SLC24A2: variants seen among roughly 807,000 people sequenced by gnomAD.
SLC24A2 encodes solute carrier family 24 member 2, also known as sodium/potassium/calcium exchanger 2.
A neutral mutation model predicts 62.0 loss-of-function variants in SLC24A2; 36 were observed. The observed-to-expected ratio is 0.58, with a 90% confidence interval of 0.44 to 0.77. The LOEUF (loss-of-function observed/expected upper bound fraction) is 0.77. Among genes scored for constraint, SLC24A2 ranks in the 30% least tolerant of loss-of-function variants. The pLI is 0.00. For missense variants in SLC24A2, 846 were observed against 817.9 expected (o/e 1.03, Z -0.42); for synonymous variants, 358 against 294.0 (o/e 1.22, Z -2.23).
At chr9:19,788,218 C>G (rs1057514585) in intron 1 of SLC24A2, among the ~76,000 whole-genome samples, 1 of 152,200 alleles carries the variant, frequency 6.6e-6, no homozygotes, top group East Asian at 1.9e-4. Flanking sequence ...TGAGATAACC[C>G]GACCCCATCA....
chr9:20,030,403 C>G, the SLC24A2 span, among the ~76,000 whole-genome samples: 2 of 152,174 alleles, frequency 1.3e-5, no homozygotes, highest in African/African-American at 2.4e-5. Flanking sequence ...GGTAACCGAG[C>G]TCCTCCTGTA....
chr9:20,210,141 G>A, the SLC24A2 span, among the ~76,000 whole-genome samples: 1 of 152,202 alleles, frequency 6.6e-6, no homozygotes, highest in African/African-American at 2.4e-5. Context: ...CAAGCCCACT[G>A]TGGTGGGCTT....
At chr9:20,207,068 C>A in the SLC24A2 span, among the ~76,000 whole-genome samples, 6 of 152,054 alleles carry the variant, frequency 3.9e-5, no homozygotes, top group African/African-American at 1.2e-4. Context: ...ATCTTCAGTA[C>A]CTAGTATTTA....
chr9:20,095,943 C>A, the SLC24A2 span, among the ~76,000 whole-genome samples: 1 of 152,044 alleles, frequency 6.6e-6, no homozygotes, highest in Non-Finnish European at 1.5e-5. Context: ...ATCATGAGAA[C>A]AGTATGGGGG....
the SLC24A2 span, among the ~76,000 whole-genome samples, chr9:20,224,290 G>A: frequency 6.6e-6 from 1 of 151,774 alleles, no homozygotes; most frequent in African/African-American, 2.4e-5. Context: ...AGCTAGATAA[G>A]GATTTCTTAT....
chr9:20,117,439 T>C, the SLC24A2 span, among the ~76,000 whole-genome samples: 7 of 152,254 alleles, frequency 4.6e-5, no homozygotes, highest in African/African-American at 9.6e-5. Flanking sequence ...GTCTTTACTA[T>C]GACAACAAGA....
chr9:19,848,033 A>G, the SLC24A2 span, among the ~76,000 whole-genome samples: 104 of 152,334 alleles, frequency 6.8e-4, no homozygotes, highest in African/African-American at 2.3e-3. Context: ...ACCATCAGCA[A>G]CTACCTTGTT....
At chr9:19,778,385 G>C (rs893059412) in intron 2 of SLC24A2, among the ~76,000 whole-genome samples, 1 of 152,072 alleles carries the variant, frequency 6.6e-6, no homozygotes, top group South Asian at 2.1e-4. Context: ...GCCTGATAGC[G>C]GGAAGGGAGT....
the SLC24A2 span, among the ~76,000 whole-genome samples, chr9:20,059,555 G>T: frequency 6.6e-6 from 1 of 152,060 alleles, no homozygotes; most frequent in Non-Finnish European, 1.5e-5. Context: ...TTTAAACTGG[G>T]CAGAAAATAA....
the SLC24A2 span, among the ~76,000 whole-genome samples, chr9:19,961,928 C>A: frequency 1.3e-5 from 2 of 152,198 alleles, no homozygotes; most frequent in Non-Finnish European, 2.9e-5. Context: ...TACCCTGAAC[C>A]AGAACCACCC....
the SLC24A2 span, among the ~76,000 whole-genome samples, chr9:19,826,749 C>T: frequency 1.5e-3 from 229 of 152,248 alleles, 1 homozygote; most frequent in Non-Finnish European, 1.5e-3. Context: ...TCTAGAAGGT[C>T]CACATCTCAG....
At chr9:20,267,116 G>A in the SLC24A2 span, among the ~76,000 whole-genome samples, 1 of 149,954 alleles carries the variant, frequency 6.7e-6, no homozygotes, top group Non-Finnish European at 1.5e-5. Context: ...TCATAAAACA[G>A]AATACTTTTG....
At chr9:19,571,271 T>C (rs897361181) in intron 7 of SLC24A2, among the ~76,000 whole-genome samples, 6 of 152,268 alleles carry the variant, frequency 3.9e-5, no homozygotes, top group South Asian at 2.1e-4. Context: ...GTAAGGAGCA[T>C]AGAAGGCAGA....
At chr9:19,820,742 A>T in the SLC24A2 span, among the ~76,000 whole-genome samples, 1 of 151,746 alleles carries the variant, frequency 6.6e-6, no homozygotes, top group African/African-American at 2.4e-5. Context: ...GGGTGTGTAC[A>T]GGGGATTACA....
chr9:19,636,314 CTTTTCTTTCTTTCTTT>C lies in SLC24A2; in HGVS notation c.931-14031_931-14016del, dbSNP rs1564009636. Among the ~76,000 whole-genome samples, 59 of 21,228 alleles carry C rather than the reference CTTTTCTTTCTTTCTTT, an allele frequency of 2.8e-3. 3 individuals are homozygous for C. Among genetic ancestry groups the C allele is most frequent in the African/African-American group, 6.2e-3 (31 of 4,980 alleles). 13.9% of individuals were successfully genotyped at this position (21,228 alleles called of 152,430 possible). A position where few individuals can be genotyped will look rare whatever the true frequency, so the allele number is the denominator to read the frequency against. On this transcript the variant is annotated intron_variant, in intron 2 of 10. Coordinates refer to ENST00000341998, the MANE Select transcript of SLC24A2 (RefSeq NM_020344.4). ...CTTTTCTTTTCTTTTCTTTTCTTTT[CTTTTCTTTCTTTCTTT>C]CTTTCTTTCTTTCTTTCTTTCTTTC...
rs1554690366 is a variant in SLC24A2 at position 19,636,318 on chromosome 9, T to TCTTTTCCTTC, written c.931-14020_931-14019insGAAGGAAAAG. 5.9e-4 allele frequency among the ~76,000 whole-genome samples: 19 copies of TCTTTTCCTTC among 32,248 alleles called. 1 individual carries two copies. The highest frequency in any genetic ancestry group is 2.5e-3 in the Admixed American group (8 of 3,260). The allele number at this position is 32,248 out of a possible 152,430, so 21.2% of individuals were successfully genotyped here. A position where few individuals can be genotyped will look rare whatever the true frequency, so the allele number is the denominator to read the frequency against. On this transcript the variant is annotated intron_variant, in intron 2 of 10. Coordinates refer to ENST00000341998, the MANE Select transcript of SLC24A2 (RefSeq NM_020344.4). Reference sequence around the variant, plus strand: ...TCTTTTCTTTTCTTTTCTTTTCTTTTCTTTCTTTCTTTCTTTCTTTCTTTC... The same window carrying TCTTTTCCTTC: ...TCTTTTCTTTTCTTTTCTTTTCTTTTCTTTTCCTTCCTTTCTTTCTTTCTTTCTTTCTTTC...
chr9:19,543,965 G>A (rs1234701622), intron 8 of SLC24A2, among the ~76,000 whole-genome samples: 1 of 152,154 alleles, frequency 6.6e-6, no homozygotes, highest in African/African-American at 2.4e-5. Flanking sequence ...CCAGCGCTGA[G>A]TTCAAGTCCT....
intron 2 of SLC24A2, among the ~76,000 whole-genome samples, chr9:19,707,223 G>C (rs975290441): frequency 6.6e-6 from 1 of 152,154 alleles, no homozygotes; most frequent in Admixed American, 6.5e-5. Context: ...TTGAATCTCT[G>C]AATAGACCAA....
chr9:19,816,854 C>G, the SLC24A2 span, among the ~76,000 whole-genome samples: 3 of 151,898 alleles, frequency 2.0e-5, no homozygotes, highest in Non-Finnish European at 2.9e-5. Flanking sequence ...ATCCAATCAC[C>G]TCCTACAAGG....
Sources: gnomAD v4.1 joint callset for allele counts (sites outside exome capture counted in the v4.1 genomes callset) on GRCh38, gnomAD v4.1.1 for gene constraint, MANE v1.5 for transcripts, NCBI Gene and HGNC (gene_info 2026-07-23, HGNC 2026-07-21) for gene names.